The following SEMA6D variants were observed in gnomAD, a reference collection of about 807,000 sequenced individuals.
SEMA6D encodes semaphorin 6D.
A neutral mutation model predicts 106.6 loss-of-function variants in SEMA6D; 35 were observed. The ratio of observed to expected loss-of-function variants is 0.33; its 90% CI spans 0.25 to 0.44. The LOEUF (loss-of-function observed/expected upper bound fraction) is 0.44, where lower values mean the gene tolerates loss of function less well. Among genes scored for constraint, SEMA6D ranks in the 20% least tolerant of loss-of-function variants. The pLI, the probability that SEMA6D is intolerant of heterozygous loss-of-function variation, is 1.00. For synonymous variants in SEMA6D, 499 were observed against 487.7 expected, an observed-to-expected ratio of 1.02 and a Z score of -0.31; for missense variants, 1,185 against 1,345.9, an observed-to-expected ratio of 0.88 and a Z score of 1.87.
intron 1 of SEMA6D, among the ~76,000 whole-genome samples, chr15:47,376,392 T>C (rs1353161505): frequency 6.6e-6 from 1 of 152,232 alleles, no homozygotes; most frequent in African/African-American, 2.4e-5. Flanking sequence ...ACAAACTGAC[T>C]TCTGCTTTTA....
chr15:47,527,004 T>C (rs2044782151), intron 3 of SEMA6D, among the ~76,000 whole-genome samples: 1 of 152,212 alleles, frequency 6.6e-6, no homozygotes, highest in Non-Finnish European at 1.5e-5. Flanking sequence ...CCCAAAGTGC[T>C]GGGGTTACAG....
chr15:47,299,671 A>G (rs1365261564), intron 1 of SEMA6D, among the ~76,000 whole-genome samples: 2 of 152,228 alleles, frequency 1.3e-5, no homozygotes, highest in Non-Finnish European at 2.9e-5. Flanking sequence ...GTTATTCTTG[A>G]TGACAAACTA....
chr15:47,203,429 T>C (rs1894848766), intron 1 of SEMA6D, among the ~76,000 whole-genome samples: 1 of 152,184 alleles, frequency 6.6e-6, no homozygotes. Context: ...CACGCAGATT[T>C]TTCATCTGTT....
intron 4 of SEMA6D, among the ~76,000 whole-genome samples, chr15:47,678,721 A>C (rs999675177): frequency 4.0e-5 from 6 of 151,564 alleles, no homozygotes; most frequent in African/African-American, 1.5e-4. Flanking sequence ...AGATTTATTT[A>C]GTCCTTTCTA....
intron 1 of SEMA6D, among the ~76,000 whole-genome samples, chr15:47,254,875 T>TTTTTTTTGTGTG (rs1555411185): frequency 1.1e-4 from 15 of 134,306 alleles, no homozygotes; most frequent in African/African-American, 4.2e-4. Flanking sequence ...ACCTGTGGTT[T>TTTTTTTTGTGTG]TGTGTGTGTG....
At chr15:47,408,049 C>T (rs977227386) in intron 1 of SEMA6D, among the ~76,000 whole-genome samples, 3 of 152,080 alleles carry the variant, frequency 2.0e-5, no homozygotes, top group South Asian at 2.1e-4. Context: ...CAAGGACCTG[C>T]GGTTTTTCAT....
At chr15:47,398,003 T>C (rs1275739315) in intron 1 of SEMA6D, 2 of 152,154 alleles carry the variant, frequency 1.3e-5, no homozygotes, top group East Asian at 3.9e-4. Context: ...CTATACAAAT[T>C]GAAAGGGTGT....
intron 3 of SEMA6D, among the ~76,000 whole-genome samples, chr15:47,518,134 TA>T (rs1169125657): frequency 6.6e-6 from 1 of 152,210 alleles, no homozygotes; most frequent in African/African-American, 2.4e-5. Context: ...ATTTACATTT[TA>T]AACTGGAATT....
chr15:47,347,341 C>A (rs941070045), intron 1 of SEMA6D, among the ~76,000 whole-genome samples: 1 of 152,188 alleles, frequency 6.6e-6, no homozygotes, highest in African/African-American at 2.4e-5. Flanking sequence ...CAAATGGACA[C>A]CTATTTGCAG....
At position 47,764,669 on chromosome 15, in the gene SEMA6D, G is replaced by T. The variant is rs200773984; in HGVS notation, c.1129G>T (p.Glu377Ter). 2 of 1,613,892 alleles carry T rather than the reference G, an allele frequency of 1.2e-6. No homozygotes were observed. The highest frequency in any genetic ancestry group is 1.7e-6 in the Non-Finnish European group (2 of 1,179,900). The change falls in exon 12 of 19, where the codon GAA (glutamate) becomes TAA (stop). Residue 377 changes from glutamate (E) to a stop codon, truncating the protein, a stop_gained. Transcript: ENST00000536845. LOFTEE classifies it high-confidence loss of function. ...PGCCAKHGLA[E>*]AYKTSIDFPD... The stretch of plus-strand genomic sequence containing the variant: ...CTGTTGTGCAAAACACGGCCTTGCC[G>T]AAGCTTATAAAACCTCCATCGATTT...
At chr15:47,318,440 C>T (rs2036781313) in intron 1 of SEMA6D, among the ~76,000 whole-genome samples, 1 of 130,582 alleles carries the variant, frequency 7.7e-6, no homozygotes, top group Non-Finnish European at 1.6e-5. Context: ...ACAACAGTCC[C>T]CAGAGTGTGA....
chr15:47,292,805 A>C (rs1206515489), intron 1 of SEMA6D, among the ~76,000 whole-genome samples: 1 of 152,080 alleles, frequency 6.6e-6, no homozygotes, highest in Non-Finnish European at 1.5e-5. Context: ...GATGGAGAAA[A>C]TATTTATCAT....
At chr15:47,689,360 T>G (rs184216659) in intron 4 of SEMA6D, among the ~76,000 whole-genome samples, 21 of 152,328 alleles carry the variant, frequency 1.4e-4, no homozygotes, top group Non-Finnish European at 1.5e-5. Context: ...GTAACTGAAT[T>G]CAGTAGTAAA....
chr15:47,467,483 G>A (rs1004554605), intron 2 of SEMA6D, among the ~76,000 whole-genome samples: 1 of 152,130 alleles, frequency 6.6e-6, no homozygotes, highest in East Asian at 1.9e-4. Context: ...CTCATTTAAT[G>A]TTTAAAGGCT....
intron 2 of SEMA6D, among the ~76,000 whole-genome samples, chr15:47,468,125 A>G (rs1432202668): frequency 1.3e-5 from 2 of 152,114 alleles, no homozygotes; most frequent in African/African-American, 2.4e-5. Context: ...CAAGAAAATT[A>G]GCAACTTCAA....
At chr15:47,730,227 C>T (rs976858893) in intron 1 of SEMA6D, 19 of 1,535,026 alleles carry the variant, frequency 1.2e-5, no homozygotes, top group African/African-American at 1.2e-4. Context: ...AGGACGTTGC[C>T]GCCCCAGTGA....
intron 2 of SEMA6D, among the ~76,000 whole-genome samples, chr15:47,440,601 A>G (rs910851455): frequency 5.3e-5 from 8 of 151,964 alleles, no homozygotes; most frequent in Non-Finnish European, 1.0e-4. Flanking sequence ...ACCACTTTTC[A>G]GGATCAAATT....
intron 3 of SEMA6D, among the ~76,000 whole-genome samples, chr15:47,527,100 A>G (rs1364834367): frequency 4.6e-5 from 7 of 152,210 alleles, no homozygotes; most frequent in Admixed American, 4.6e-4. Context: ...TTTGCTCAAC[A>G]ACAGGAATTA....
chr15:47,499,259 C>A (rs1435322694), intron 3 of SEMA6D, among the ~76,000 whole-genome samples: 1 of 152,120 alleles, frequency 6.6e-6, no homozygotes. Context: ...CTCTAGTCCT[C>A]TAATCCGTCC....
Sources: gnomAD v4.1 joint callset for allele counts (sites outside exome capture counted in the v4.1 genomes callset) on GRCh38, gnomAD v4.1.1 for gene constraint, MANE v1.5 for transcripts, NCBI Gene and HGNC (gene_info 2026-07-23, HGNC 2026-07-21) for gene names.